Variants in RAB28 observed in about 807,000 individuals in gnomAD.
The protein encoded by RAB28 is ras-related protein Rab-28.
In RAB28, 24 loss-of-function variants were observed where a neutral mutation model predicts 31.7. The ratio of observed to expected loss-of-function variants is 0.76; its 90% CI spans 0.55 to 1.06. The LOEUF is 1.06. Among genes scored for constraint, RAB28 ranks in the 50% least tolerant of loss-of-function variants. The probability of loss-of-function intolerance (pLI) is 0.00; values close to 1 mark genes in which losing one functional copy is unlikely to be tolerated. For missense variants in RAB28, 254 were observed against 258.5 expected (o/e 0.98, Z 0.12); for synonymous variants, 100 against 90.4 (o/e 1.11, Z -0.60).
intron 2 of RAB28, among the ~76,000 whole-genome samples, chr4:13,477,997 T>C (rs1471277357): frequency 6.6e-6 from 1 of 151,542 alleles, no homozygotes; most frequent in Non-Finnish European, 1.5e-5. Context: ...GACAAGAAGT[T>C]GGTGGCTTTT....
intron 2 of RAB28, among the ~76,000 whole-genome samples, chr4:13,474,994 C>A (rs529595572): frequency 6.6e-6 from 1 of 151,550 alleles, no homozygotes; most frequent in East Asian, 1.9e-4. Flanking sequence ...AAAATAGAAA[C>A]GCATTTGATA....
intron 4 of RAB28, among the ~76,000 whole-genome samples, chr4:13,429,642 G>T (rs1183772264): frequency 6.6e-6 from 1 of 152,080 alleles, no homozygotes; most frequent in Non-Finnish European, 1.5e-5. Flanking sequence ...AAAACTAAAT[G>T]AATAGAAAGA....
chr4:13,367,906 C>T lies in RAB28; in HGVS notation c.*652G>A, dbSNP rs934984713. On this transcript the variant is annotated 3_prime_UTR_variant, in exon 7 of 7. Coordinates refer to ENST00000330852, the MANE Select transcript of RAB28 (RefSeq NM_001017979.3). ...CTTCAAACCTGAGTATTACACAATA[C>T]ATAACGACAACGATACAGTAATAAA... The T allele has an allele frequency of 2.0e-6, 2 of 983,300 alleles. No homozygotes were observed. Among genetic ancestry groups the T allele is most frequent in the Non-Finnish European group, 2.4e-6 (2 of 828,082 alleles). The allele number at this position is 983,300 out of a possible 1,614,324, so 60.9% of individuals were successfully genotyped here.
At chr4:13,455,217 C>A (rs4956002) in intron 4 of RAB28, among the ~76,000 whole-genome samples, 2 of 152,022 alleles carry the variant, frequency 1.3e-5, no homozygotes, top group East Asian at 1.9e-4. Flanking sequence ...GCTGTTTCTC[C>A]GGACCTGGGC....
intron 2 of RAB28, among the ~76,000 whole-genome samples, chr4:13,475,786 T>C (rs1716336609): frequency 6.6e-6 from 1 of 151,616 alleles, no homozygotes; most frequent in Non-Finnish European, 1.5e-5. Flanking sequence ...AGACTAAGAT[T>C]TGTCCAAAAA....
chr4:13,441,223 G>C (rs1714396784), intron 4 of RAB28, among the ~76,000 whole-genome samples: 1 of 152,108 alleles, frequency 6.6e-6, no homozygotes, highest in Non-Finnish European at 1.5e-5. Flanking sequence ...CCCTTGCTAT[G>C]CTTCTTAATT....
chr4:13,393,695 C>CATAA (rs141235181), intron 4 of RAB28, among the ~76,000 whole-genome samples: 7,721 of 151,608 alleles, frequency 0.051, 375 homozygotes, highest in African/African-American at 0.13. Flanking sequence ...ATCTTGTATG[C>CATAA]ATAATTAACT....
At chr4:13,459,564 T>C (rs1349301602) in intron 4 of RAB28, 1 of 178,098 alleles carries the variant, frequency 5.6e-6, no homozygotes, top group Non-Finnish European at 1.1e-5. Flanking sequence ...ACCAGTCATG[T>C]ACTGAGTTCA....
At chr4:13,416,446 T>G (rs1031555892) in intron 4 of RAB28, among the ~76,000 whole-genome samples, 5 of 152,198 alleles carry the variant, frequency 3.3e-5, no homozygotes, top group African/African-American at 4.8e-5. Context: ...GCTTCATTCT[T>G]GAAGTCAGTG....
At chr4:13,420,342 A>C (rs1463055801) in intron 4 of RAB28, among the ~76,000 whole-genome samples, 3 of 152,154 alleles carry the variant, frequency 2.0e-5, no homozygotes, top group African/African-American at 4.8e-5. Context: ...AGAGGAGCTG[A>C]TACCAATCCT....
At chr4:13,414,394 C>T (rs190730270) in intron 4 of RAB28, among the ~76,000 whole-genome samples, 35 of 152,262 alleles carry the variant, frequency 2.3e-4, no homozygotes, top group African/African-American at 7.9e-4. Context: ...ATATAAATAA[C>T]CCAAACTGAC....
At chr4:13,383,560 C>T (rs1169036568) in intron 4 of RAB28, among the ~76,000 whole-genome samples, 1 of 152,110 alleles carries the variant, frequency 6.6e-6, no homozygotes, top group Non-Finnish European at 1.5e-5. Flanking sequence ...TATGGTTTGG[C>T]TGTGTCCCCA....
intron 4 of RAB28, among the ~76,000 whole-genome samples, chr4:13,436,606 G>A (rs1714124241): frequency 6.6e-6 from 1 of 151,928 alleles, no homozygotes; most frequent in Admixed American, 6.6e-5. Flanking sequence ...ATCTGCCATA[G>A]TAACAAAAAA....
At chr4:13,426,724 T>TACTGATGAG (rs1234223499) in intron 4 of RAB28, among the ~76,000 whole-genome samples, 6 of 152,208 alleles carry the variant, frequency 3.9e-5, no homozygotes, top group African/African-American at 1.4e-4. Flanking sequence ...TAAATAAATA[T>TACTGATGAG]ATTACCTTAT....
Position 13,368,240 on chromosome 4 carries a change from A to C in RAB28, c.*318T>G, listed in dbSNP as rs983421656. 3 of 1,012,500 alleles carry C rather than the reference A, an allele frequency of 3.0e-6. No homozygotes were observed. Among genetic ancestry groups the C allele is most frequent in the Non-Finnish European group, 3.5e-6 (3 of 848,146 alleles). 62.7% of individuals were successfully genotyped at this position (1,012,500 alleles called of 1,614,324 possible). A position where few individuals can be genotyped will look rare whatever the true frequency, so the allele number is the denominator to read the frequency against. On this transcript the variant is annotated 3_prime_UTR_variant, in exon 7 of 7. Transcript: ENST00000330852. ...CAAGACTTGGAGAGTTTTCATATTA[A>C]GTTAAAAAAATTTACATCAATGAAA...
At chr4:13,424,478 T>G (rs1713360651) in intron 4 of RAB28, among the ~76,000 whole-genome samples, 1 of 152,212 alleles carries the variant, frequency 6.6e-6, no homozygotes, top group African/African-American at 2.4e-5. Flanking sequence ...GGGTCCACCC[T>G]CATCAAATAT....
At chr4:13,443,244 G>A (rs552785786) in intron 4 of RAB28, among the ~76,000 whole-genome samples, 1 of 152,114 alleles carries the variant, frequency 6.6e-6, no homozygotes, top group South Asian at 2.1e-4. Flanking sequence ...CACGATCTCG[G>A]CTCACTGCAA....
chr4:13,437,287 C>T (rs1200229640), intron 4 of RAB28, among the ~76,000 whole-genome samples: 1 of 151,960 alleles, frequency 6.6e-6, no homozygotes, highest in African/African-American at 2.4e-5. Flanking sequence ...GTAAAACCCT[C>T]CTGAACATTG....
intron 4 of RAB28, among the ~76,000 whole-genome samples, chr4:13,396,242 C>T (rs1169934881): frequency 6.6e-6 from 1 of 151,952 alleles, no homozygotes; most frequent in Non-Finnish European, 1.5e-5. Flanking sequence ...ATCAGGGAAA[C>T]ATCTTGAGTG....
Sources: allele counts gnomAD v4.1 joint callset (sites outside exome capture counted in the v4.1 genomes callset), GRCh38; gene constraint gnomAD v4.1.1; transcripts MANE v1.5; gene names NCBI Gene and HGNC (gene_info 2026-07-23, HGNC 2026-07-21).